TACR3: variants seen among roughly 807,000 people sequenced by gnomAD.
TACR3 encodes tachykinin receptor 3.
A neutral mutation model predicts 35.0 loss-of-function variants in TACR3; 34 were observed. The observed-to-expected ratio is 0.97, with a 90% confidence interval of 0.74 to 1.30. The LOEUF is 1.30. TACR3 is among the 50% of genes most tolerant of loss of function. TACR3 has a pLI of 0.00. For synonymous variants in TACR3, 233 were observed against 221.1 expected (o/e 1.05, Z -0.48); for missense variants, 558 against 591.7 (o/e 0.94, Z 0.59).
intron 3 of TACR3, among the ~76,000 whole-genome samples, chr4:103,603,975 T>G (rs1222148493): frequency 6.6e-6 from 1 of 152,194 alleles, no homozygotes; most frequent in African/African-American, 2.4e-5. Flanking sequence ...CCAAAGTAAT[T>G]TATAGATTCA....
chr4:103,679,031 T>A (rs1411469987), intron 1 of TACR3, among the ~76,000 whole-genome samples: 3 of 151,938 alleles, frequency 2.0e-5, no homozygotes, highest in Admixed American at 1.3e-4. Context: ...CACACCAAAT[T>A]ATTAATTTTC....
intron 3 of TACR3, among the ~76,000 whole-genome samples, chr4:103,621,789 G>A (rs561119742): frequency 2.6e-5 from 4 of 152,266 alleles, no homozygotes; most frequent in African/African-American, 9.6e-5. Flanking sequence ...CTACACATAG[G>A]TTTGGAGTGA....
At position 103,587,772 on chromosome 4, in the gene TACR3, T is replaced by G. The variant is rs1723799285; in HGVS notation, c.*1910A>C. 6.6e-6 allele frequency: 1 copy of G among 152,128 alleles called. No individual in the cohort carries two copies. Among genetic ancestry groups the G allele is most frequent in the South Asian group, 2.1e-4 (1 of 4,836 alleles). The allele number at this position is 152,128 out of a possible 1,614,324, so 9.4% of individuals were successfully genotyped here. On this transcript the variant is annotated 3_prime_UTR_variant, in exon 5 of 5. Transcript: ENST00000304883. The stretch of plus-strand genomic sequence containing the variant: ...TTTAACATTGTATGATAAATATATG[T>G]TTTAAGAATGAACATTCAAAAACAT...
intron 1 of TACR3, among the ~76,000 whole-genome samples, chr4:103,700,544 C>T (rs992155456): frequency 2.0e-5 from 3 of 152,142 alleles, no homozygotes; most frequent in Non-Finnish European, 2.9e-5. Context: ...TTCAGGCAGG[C>T]TTCTATTACT....
intron 3 of TACR3, among the ~76,000 whole-genome samples, chr4:103,618,637 G>A (rs578085576): frequency 7.4e-6 from 1 of 134,528 alleles, no homozygotes; most frequent in South Asian, 2.5e-4. Flanking sequence ...TGTGAGGAAT[G>A]ACAGGTAGTT....
At chr4:103,624,541 T>C (rs1443194826) in intron 3 of TACR3, 4 of 152,274 alleles carry the variant, frequency 2.6e-5, no homozygotes, top group South Asian at 4.1e-4. Flanking sequence ...GTAAAGTATA[T>C]AGGTGTATAG....
At chr4:103,652,346 T>C (rs1184818678) in intron 3 of TACR3, among the ~76,000 whole-genome samples, 1 of 152,110 alleles carries the variant, frequency 6.6e-6, no homozygotes, top group Non-Finnish European at 1.5e-5. Context: ...TAGATTTGGA[T>C]CAGTTTTGCT....
At chr4:103,600,401 A>G (rs926076536) in intron 3 of TACR3, among the ~76,000 whole-genome samples, 1 of 152,132 alleles carries the variant, frequency 6.6e-6, no homozygotes, top group Non-Finnish European at 1.5e-5. Flanking sequence ...TGCTCTCTTC[A>G]AAAAACCAGC....
chr4:103,700,586 G>A (rs1479621051), intron 1 of TACR3, among the ~76,000 whole-genome samples: 3 of 152,062 alleles, frequency 2.0e-5, no homozygotes, highest in Admixed American at 6.6e-5. Flanking sequence ...ATACAATTCT[G>A]GGGGAAATTA....
chr4:103,607,971 G>C (rs1432379425), intron 3 of TACR3, among the ~76,000 whole-genome samples: 1 of 152,020 alleles, frequency 6.6e-6, no homozygotes, highest in Non-Finnish European at 1.5e-5. Context: ...GGAGACTAGT[G>C]GTTGAACTGA....
In TACR3 at chr4:103,719,542, A is replaced by G. The variant is rs1723165303; in HGVS notation, c.134T>C (p.Leu45Pro). The change falls in exon 1 of 5, where the codon CTG becomes CCG. Residue 45 changes from leucine to proline, a missense_variant. Transcript: ENST00000304883. ...GGAGGAGAGGTTGCCAGCTTGGTCC[A>G]GCAGTTGCAGCCACCCAGTCTCAAC... ...GAVETGWLQL[L>P]DQAGNLSSSP... 4 of 1,608,184 alleles carry G rather than the reference A, an allele frequency of 2.5e-6. No homozygotes were observed. In the East Asian group the frequency reaches 8.9e-5, roughly 36 times the overall value.
At position 103,663,388 on chromosome 4, in the gene TACR3, A is replaced by G. The variant is rs1725873708; in HGVS notation, c.549-4985T>C. Among the ~76,000 whole-genome samples the G allele has an allele frequency of 2.0e-5, 3 of 152,042 alleles. No individual in the cohort carries two copies. The South Asian group carries it at 6.2e-4, about 31-fold the overall frequency. On this transcript the variant is annotated intron_variant, in intron 1 of 4. Transcript: ENST00000304883. ...ACAGGCCTGTAATCCCAGCTACTCAAGAGGTTGAGGTATGAGCATCTCTTG... is the reference window on the plus strand; with the variant it reads ...ACAGGCCTGTAATCCCAGCTACTCAGGAGGTTGAGGTATGAGCATCTCTTG...
At chr4:103,603,313 G>A (rs1281242466) in intron 3 of TACR3, among the ~76,000 whole-genome samples, 1 of 152,224 alleles carries the variant, frequency 6.6e-6, no homozygotes, top group African/African-American at 2.4e-5. Flanking sequence ...CTTTGACTAG[G>A]AAAGGGAATT....
chr4:103,605,996 T>G (rs1317659494), intron 3 of TACR3, among the ~76,000 whole-genome samples: 2 of 151,940 alleles, frequency 1.3e-5, no homozygotes, highest in African/African-American at 4.9e-5. Context: ...TGAATTAATT[T>G]TTGTATAAGG....
chr4:103,638,048 G>A (rs373688096), intron 3 of TACR3, among the ~76,000 whole-genome samples: 1 of 152,036 alleles, frequency 6.6e-6, no homozygotes, highest in Non-Finnish European at 1.5e-5. Flanking sequence ...CCATACCCAT[G>A]AAGCTACCAA....
Position 103,685,899 on chromosome 4 carries a change from C to T in TACR3, c.549-27496G>A, listed in dbSNP as rs977644389. Among the ~76,000 whole-genome samples, 4 of 152,238 alleles carry T rather than the reference C, an allele frequency of 2.6e-5. No individual in the cohort carries two copies. The East Asian group carries it at 7.7e-4, about 29-fold the overall frequency. On this transcript the variant is annotated intron_variant, in intron 1 of 4. Coordinates refer to ENST00000304883, the MANE Select transcript of TACR3 (RefSeq NM_001059.3). Reference sequence around the variant, plus strand: ...AAGTTCTGCCCTGTGTGGGTGGGGACATCTATGAGAACTACTAGCTCTGCT... The same window carrying T: ...AAGTTCTGCCCTGTGTGGGTGGGGATATCTATGAGAACTACTAGCTCTGCT...
chr4:103,601,142 T>A (rs1724189809), intron 3 of TACR3, among the ~76,000 whole-genome samples: 1 of 152,200 alleles, frequency 6.6e-6, no homozygotes, highest in South Asian at 2.1e-4. Flanking sequence ...TGGGTGCTCC[T>A]GTATTGGGTG....
chr4:103,606,663 A>C (rs1724374691), intron 3 of TACR3, among the ~76,000 whole-genome samples: 1 of 152,056 alleles, frequency 6.6e-6, no homozygotes, highest in Non-Finnish European at 1.5e-5. Flanking sequence ...ATTTTTGTAC[A>C]TTGATTTTGT....
intron 3 of TACR3, among the ~76,000 whole-genome samples, chr4:103,634,369 G>C (rs1042969436): frequency 2.6e-5 from 4 of 152,036 alleles, no homozygotes; most frequent in African/African-American, 4.8e-5. Context: ...AGGAGGTTGG[G>C]GGAATGAGAT....
Sources: gnomAD v4.1 joint callset for allele counts (sites outside exome capture counted in the v4.1 genomes callset) on GRCh38, gnomAD v4.1.1 for gene constraint, MANE v1.5 for transcripts, NCBI Gene and HGNC (gene_info 2026-07-23, HGNC 2026-07-21) for gene names.